Variants in JARID2 observed in about 807,000 individuals in gnomAD.
The protein encoded by JARID2 is protein Jumonji.
JARID2 carries 21 observed loss-of-function variants against 125.6 expected under a neutral mutation model. The ratio of observed to expected loss-of-function variants is 0.17; its 90% CI spans 0.12 to 0.24. The LOEUF (loss-of-function observed/expected upper bound fraction) is 0.24. JARID2 is among the 10% of genes least tolerant of loss of function. JARID2 has a pLI of 1.00. For synonymous variants in JARID2, 736 were observed against 661.6 expected, an observed-to-expected ratio of 1.11 and a Z score of -1.73; for missense variants, 1,303 against 1,639.6, an observed-to-expected ratio of 0.79 and a Z score of 3.55.
chr6:15,472,470 TTTAA>T (rs1404165860), intron 5 of JARID2, among the ~76,000 whole-genome samples: 1 of 152,188 alleles, frequency 6.6e-6, no homozygotes, highest in African/African-American at 2.4e-5. Context: ...GGCTTATAAT[TTTAA>T]TTAGATTGAT....
At chr6:15,507,468 C>G in intron 11 of JARID2, 52 bp downstream of exon 11, 1 of 1,498,922 alleles carries the variant, frequency 6.7e-7, no homozygotes, top group Non-Finnish European at 9.3e-7. Flanking sequence ...ATGAGTCCTA[C>G]TTGCTGAGAA....
intron 1 of JARID2, among the ~76,000 whole-genome samples, chr6:15,332,916 CTTTCTTTTCTTTTCT>C (rs143925766): frequency 1.2e-5 from 1 of 85,970 alleles, no homozygotes; most frequent in South Asian, 4.1e-4. Context: ...AAAATTTACC[CTTTCTTTTCTTTTCT>C]TTTCTTTTTT....
chr6:15,456,089 A>G (rs758789744), intron 4 of JARID2, among the ~76,000 whole-genome samples: 10 of 152,200 alleles, frequency 6.6e-5, no homozygotes, highest in Non-Finnish European at 1.3e-4. Context: ...AAGGAGAGAA[A>G]CCCATCAGGG....
At chr6:15,517,053 G>A (rs1031066379) in intron 16 of JARID2, 108 bp from the exon 17 acceptor site, 34 of 755,050 alleles carry the variant, frequency 4.5e-5, no homozygotes, top group Middle Eastern at 2.4e-4. Flanking sequence ...CTACTCTGGC[G>A]CGGGCAGTGG....
rs34405141 is a variant in JARID2 at position 15,521,071 on chromosome 6, T to TAA, written c.*839_*840dup. The TAA allele has an allele frequency of 0.24, 27,270 of 115,800 alleles. 4,447 individuals carry two copies. Among genetic ancestry groups the TAA allele is most frequent in the African/African-American group, 0.46 (13,455 of 29,548 alleles). 7.2% of individuals were successfully genotyped at this position (115,800 alleles called of 1,614,324 possible). ...ACCCTTCAATAGCATCCTTAAGATT[T>TAA]AAAAAAAAAAAAAAAAAAAAGGAAA... On this transcript the variant is annotated 3_prime_UTR_variant, in exon 18 of 18. Transcript: ENST00000341776.
In JARID2 at chr6:15,468,555, G is replaced by T. The variant is rs762075234; in HGVS notation, c.507G>T (p.Leu169=). The T allele has an allele frequency of 1.9e-6, 3 of 1,613,624 alleles. No homozygotes were observed. The highest frequency in any genetic ancestry group is 2.5e-6 in the Non-Finnish European group (3 of 1,179,802). The change falls in exon 5 of 18, where the codon CTG becomes CTT. Residue 169 remains leucine, a synonymous_variant. Transcript: ENST00000341776. ...TFLCLRGSPA[L]PNSMVYFGSS... ...TTATTCCACCAGGTTCTCCTGCGCT[G>T]CCCAACAGCATGGTGTATTTTGGAA...
intron 1 of JARID2, among the ~76,000 whole-genome samples, chr6:15,298,078 C>T (rs1194175523): frequency 6.6e-6 from 1 of 152,028 alleles, no homozygotes; most frequent in East Asian, 1.9e-4. Context: ...ACATAGTAGC[C>T]AAGACATTTT....
intron 1 of JARID2, among the ~76,000 whole-genome samples, chr6:15,333,582 A>G (rs1478629339): frequency 6.6e-6 from 1 of 152,220 alleles, no homozygotes; most frequent in Non-Finnish European, 1.5e-5. Flanking sequence ...ACATAACACC[A>G]AATTTATCAT....
At chr6:15,491,217 G>T (rs1770134807) in intron 6 of JARID2, among the ~76,000 whole-genome samples, 1 of 152,222 alleles carries the variant, frequency 6.6e-6, no homozygotes, top group Admixed American at 6.5e-5. Context: ...TGCACTTGCT[G>T]GTGGTGGGGT....
chr6:15,279,091 C>CA (rs35041079), intron 1 of JARID2, among the ~76,000 whole-genome samples: 3,738 of 110,332 alleles, frequency 0.034, 68 homozygotes, highest in Non-Finnish European at 0.038. Flanking sequence ...ACTGTGTCTC[C>CA]AAAAAAAAAA....
At chr6:15,365,459 C>T (rs1305510446) in intron 1 of JARID2, among the ~76,000 whole-genome samples, 2 of 152,150 alleles carry the variant, frequency 1.3e-5, no homozygotes, top group African/African-American at 2.4e-5. Context: ...GCCTTGACGA[C>T]GGCGGATGTC....
chr6:15,373,636 A>G (rs1764248864), intron 1 of JARID2, among the ~76,000 whole-genome samples: 1 of 152,168 alleles, frequency 6.6e-6, no homozygotes, highest in African/African-American at 2.4e-5. Flanking sequence ...AATTCCTTGA[A>G]TGCACAGCAC....
chr6:15,513,095 C>T (rs369789873), intron 15 of JARID2, 50 bp downstream of exon 15: 23 of 1,610,828 alleles, frequency 1.4e-5, no homozygotes, highest in African/African-American at 1.1e-4. Flanking sequence ...GGCTGCCCTT[C>T]GGGGGCTCAC....
Position 15,425,442 on chromosome 6 carries a change from A to G in JARID2, c.323+15077A>G, listed in dbSNP as rs6934453. Among the ~76,000 whole-genome samples, 1,098 of 152,266 alleles carry G rather than the reference A, an allele frequency of 7.2e-3. 15 individuals carry two copies. The highest frequency in any genetic ancestry group is 0.025 in the African/African-American group (1,044 of 41,548). On this transcript the variant is annotated intron_variant, in intron 3 of 17. Coordinates refer to ENST00000341776, the MANE Select transcript of JARID2 (RefSeq NM_004973.4). ...TTTGTTGCGGTGTACTGTGGTATGA[A>G]TGTGCCCCCCAAATTTCATGTGTTA...
At chr6:15,459,443 G>A (rs994959093) in intron 4 of JARID2, among the ~76,000 whole-genome samples, 2 of 149,032 alleles carry the variant, frequency 1.3e-5, no homozygotes, top group African/African-American at 4.9e-5. Flanking sequence ...GAGTCTGTAT[G>A]TGTTCAGTAG....
intron 7 of JARID2, among the ~76,000 whole-genome samples, chr6:15,500,177 G>A (rs1217462457): frequency 6.6e-6 from 1 of 152,164 alleles, no homozygotes; most frequent in African/African-American, 2.4e-5. Context: ...CAGGTTTGAT[G>A]TGCATTTGCG....
intron 3 of JARID2, among the ~76,000 whole-genome samples, chr6:15,433,485 T>G (rs1309734404): frequency 1.3e-5 from 2 of 150,366 alleles, no homozygotes; most frequent in Non-Finnish European, 3.0e-5. Context: ...TTAGGTGGCG[T>G]GCATCCTACC....
chr6:15,489,678 A>G (rs1770052821), intron 6 of JARID2, among the ~76,000 whole-genome samples: 1 of 152,240 alleles, frequency 6.6e-6, no homozygotes, highest in Non-Finnish European at 1.5e-5. Context: ...TTCCCTGTGC[A>G]GGATCTTAGG....
intron 1 of JARID2, among the ~76,000 whole-genome samples, chr6:15,332,933 TTC>T (rs1303199679): frequency 0.034 from 1,030 of 30,676 alleles, 31 homozygotes; most frequent in African/African-American, 0.096. Flanking sequence ...TTCTTTTCTT[TTC>T]TTTTTTTTTT....
Sources: gnomAD v4.1 joint callset for allele counts (sites outside exome capture counted in the v4.1 genomes callset) on GRCh38, gnomAD v4.1.1 for gene constraint, MANE v1.5 for transcripts, NCBI Gene and HGNC (gene_info 2026-07-23, HGNC 2026-07-21) for gene names.